LINGO2: variants seen among roughly 807,000 people sequenced by gnomAD.
The protein encoded by LINGO2 is leucine-rich repeat and immunoglobulin-like domain-containing nogo receptor-interacting protein 2.
LINGO2 carries 14 observed loss-of-function variants against 30.6 expected under a neutral mutation model. The observed-to-expected ratio is 0.46, with a 90% CI of 0.30 to 0.72. The LOEUF is 0.72. LINGO2 is among the 30% of genes least tolerant of loss of function. The probability of loss-of-function intolerance (pLI) is 0.07; values close to 1 mark genes in which losing one functional copy is unlikely to be tolerated. For synonymous variants in LINGO2, 317 were observed against 288.5 expected (o/e 1.10, Z -1.00); for missense variants, 729 against 751.7 (o/e 0.97, Z 0.35).
intron 1 of LINGO2, among the ~76,000 whole-genome samples, chr9:28,578,848 T>C (rs1824120191): frequency 6.6e-6 from 1 of 152,134 alleles, no homozygotes; most frequent in Admixed American, 6.6e-5. Context: ...ATGGTTGGTT[T>C]AAATGCAGAT....
chr9:28,912,513 C>A, the LINGO2 span, among the ~76,000 whole-genome samples: 1 of 152,004 alleles, frequency 6.6e-6, no homozygotes, highest in Non-Finnish European at 1.5e-5. Flanking sequence ...TTGCTGCTCA[C>A]CCTGGAAGAT....
the LINGO2 span, among the ~76,000 whole-genome samples, chr9:28,734,555 A>AGTGCTACTTG: frequency 6.6e-6 from 1 of 152,136 alleles, no homozygotes; most frequent in African/African-American, 2.4e-5. Flanking sequence ...CACTTTCCCA[A>AGTGCTACTTG]GGTCATACAG....
chr9:28,029,338 C>CTG (rs1370208319), intron 4 of LINGO2, among the ~76,000 whole-genome samples: 1 of 152,146 alleles, frequency 6.6e-6, no homozygotes, highest in Non-Finnish European at 1.5e-5. Flanking sequence ...CACTGTTCTG[C>CTG]TGCGTTTGAT....
the LINGO2 span, among the ~76,000 whole-genome samples, chr9:28,769,502 ATATATATATATATATATTTTTTTTTTTTT>A: frequency 0.017 from 77 of 4,580 alleles, 11 homozygotes; most frequent in East Asian, 0.092. Flanking sequence ...ATATATATAT[ATATATATATATATATATTTTTTTTTTTTT>A]TTTTTTTTTT....
Position 28,424,849 on chromosome 9 carries a change from G to A in LINGO2, c.-279+51091C>T, listed in dbSNP as rs149252543. 5.1e-3 allele frequency among the ~76,000 whole-genome samples: 778 copies of A among 152,176 alleles called. 10 individuals carry two copies. The highest frequency in any genetic ancestry group is 0.017 in the African/African-American group (715 of 41,524). On this transcript the variant is annotated intron_variant, in intron 2 of 5. Coordinates refer to ENST00000379992, the Ensembl canonical transcript of LINGO2. ...GGCAGTGTTGTGCAGTAGTTAAATG[G>A]TCAGGCCCTGGAATTAAGCAGGCCT...
At chr9:28,871,615 A>G in the LINGO2 span, among the ~76,000 whole-genome samples, 1 of 151,994 alleles carries the variant, frequency 6.6e-6, no homozygotes, top group African/African-American at 2.4e-5. Context: ...CTATAGTGTA[A>G]CCAAATGATG....
At chr9:28,872,824 A>G in the LINGO2 span, among the ~76,000 whole-genome samples, 1 of 152,104 alleles carries the variant, frequency 6.6e-6, no homozygotes, top group African/African-American at 2.4e-5. Context: ...TCTATGCAAA[A>G]CCAGGAAGAT....
chr9:28,355,957 G>C (rs370649992), intron 3 of LINGO2, among the ~76,000 whole-genome samples: 3 of 152,138 alleles, frequency 2.0e-5, no homozygotes, highest in East Asian at 3.9e-4. Context: ...TGAACTGAGA[G>C]ATTATGTGAT....
intron 1 of LINGO2, among the ~76,000 whole-genome samples, chr9:28,627,589 A>G (rs938844545): frequency 6.6e-6 from 1 of 151,994 alleles, no homozygotes; most frequent in African/African-American, 2.4e-5. Flanking sequence ...CTAAATCACC[A>G]TCTTGTGTTG....
intron 1 of LINGO2, among the ~76,000 whole-genome samples, chr9:28,634,356 A>G (rs1307338047): frequency 6.6e-6 from 1 of 152,158 alleles, no homozygotes; most frequent in African/African-American, 2.4e-5. Context: ...CATGCAGACA[A>G]TCTCTTTTAT....
At chr9:28,846,106 C>T in the LINGO2 span, among the ~76,000 whole-genome samples, 1 of 151,688 alleles carries the variant, frequency 6.6e-6, no homozygotes, top group Non-Finnish European at 1.5e-5. Flanking sequence ...TAGTCAGAAG[C>T]TCACTGTGCA....
chr9:28,526,626 T>C (rs1209391928), intron 1 of LINGO2, among the ~76,000 whole-genome samples: 1 of 152,178 alleles, frequency 6.6e-6, no homozygotes, highest in African/African-American at 2.4e-5. Context: ...CTTCCTGCAA[T>C]ATTAAGGTAA....
intron 1 of LINGO2, among the ~76,000 whole-genome samples, chr9:28,562,666 C>A (rs1016547465): frequency 6.6e-6 from 1 of 151,852 alleles, no homozygotes; most frequent in African/African-American, 2.4e-5. Context: ...AGGTGAGCCT[C>A]TTTCTGATGT....
the LINGO2 span, among the ~76,000 whole-genome samples, chr9:28,826,940 G>T: frequency 6.6e-6 from 1 of 152,092 alleles, no homozygotes; most frequent in Admixed American, 6.6e-5. Flanking sequence ...CCCAGTTTCT[G>T]AGTGCCATGG....
chr9:28,054,251 C>T (rs891244440), intron 4 of LINGO2, among the ~76,000 whole-genome samples: 1 of 152,106 alleles, frequency 6.6e-6, no homozygotes, highest in East Asian at 1.9e-4. Context: ...GAGCCCTTCT[C>T]TCACCTTTTC....
At chr9:27,939,771 C>T in the LINGO2 span, 1 of 152,102 alleles carries the variant, frequency 6.6e-6, no homozygotes, top group African/African-American at 2.4e-5. Flanking sequence ...TGCCTCTGTG[C>T]TATGGTACTA....
the LINGO2 span, among the ~76,000 whole-genome samples, chr9:29,201,550 T>C: frequency 2.0e-5 from 3 of 152,180 alleles, no homozygotes; most frequent in East Asian, 5.8e-4. Flanking sequence ...CTATAACCTA[T>C]AAAATCAAAC....
At chr9:28,664,996 C>CATATATAT (rs10527878) in intron 1 of LINGO2, among the ~76,000 whole-genome samples, 1,903 of 95,922 alleles carry the variant, frequency 0.02, 84 homozygotes, top group Non-Finnish European at 0.03. Context: ...TATGTGTTTA[C>CATATATAT]ATATATATAT....
At chr9:28,277,641 T>C (rs530042238) in intron 4 of LINGO2, among the ~76,000 whole-genome samples, 1 of 151,872 alleles carries the variant, frequency 6.6e-6, no homozygotes. Context: ...CTGTCTCTAC[T>C]AAAAACACAC....
Sources: allele counts gnomAD v4.1 joint callset (sites outside exome capture counted in the v4.1 genomes callset), GRCh38; gene constraint gnomAD v4.1.1; transcripts MANE v1.5; gene names NCBI Gene and HGNC (gene_info 2026-07-23, HGNC 2026-07-21).